The following ZHX2 variants were observed in gnomAD, a reference collection of about 807,000 sequenced individuals.
ZHX2 encodes the protein zinc fingers and homeoboxes 2.
Under a neutral mutation model 21.9 loss-of-function variants are expected in ZHX2, and 6 were observed. That is an observed-to-expected ratio of 0.27 (90% CI 0.15 to 0.54). The LOEUF (loss-of-function observed/expected upper bound fraction) is 0.54. Among genes scored for constraint, ZHX2 ranks in the 20% least tolerant of loss-of-function variants. ZHX2 has a pLI of 0.95. For missense variants in ZHX2, 908 were observed against 1,090.7 expected (o/e 0.83, Z 2.36); for synonymous variants, 434 against 437.1 (o/e 0.99, Z 0.09).
At position 122,803,624 on chromosome 8, in the gene ZHX2, C is replaced by T. The variant is rs532760412; in HGVS notation, c.-283+21678C>T. Among the ~76,000 whole-genome samples, 11 of 152,334 alleles carry T rather than the reference C, an allele frequency of 7.2e-5. No homozygotes were observed. The East Asian group carries it at 7.7e-4, about 11-fold the overall frequency. On this transcript the variant is annotated intron_variant, in intron 1 of 3. Transcript: ENST00000314393. ...ATTTTGTCAAATGTGCCCTCGGGGA[C>T]GAAACGGTCCCAATCTCCTCTTCCC...
chr8:122,887,815 C>G (rs921781328), intron 2 of ZHX2, among the ~76,000 whole-genome samples: 2 of 152,102 alleles, frequency 1.3e-5, no homozygotes, highest in African/African-American at 4.8e-5. Context: ...GCTTCTCCCA[C>G]CCTCGCGCCG....
At chr8:122,809,868 T>G (rs1817891846) in intron 1 of ZHX2, among the ~76,000 whole-genome samples, 1 of 152,178 alleles carries the variant, frequency 6.6e-6, no homozygotes, top group Middle Eastern at 3.2e-3. Flanking sequence ...GTTTGAAGCT[T>G]ACAAGAAATC....
intron 1 of ZHX2, among the ~76,000 whole-genome samples, chr8:122,860,662 C>T (rs549229820): frequency 1.3e-5 from 2 of 152,274 alleles, no homozygotes; most frequent in African/African-American, 4.8e-5. Context: ...AAGTTTGAGG[C>T]AGCCGAGTTA....
chr8:122,904,041 G>A (rs79158429), intron 2 of ZHX2, among the ~76,000 whole-genome samples: 1,905 of 152,250 alleles, frequency 0.013, 36 homozygotes, highest in African/African-American at 0.043. Flanking sequence ...CAGGAATGAC[G>A]TGGTGGTGAG....
chr8:122,969,422 T>C (rs1298170805), intron 3 of ZHX2, among the ~76,000 whole-genome samples: 1 of 151,934 alleles, frequency 6.6e-6, no homozygotes, highest in Non-Finnish European at 1.5e-5. Flanking sequence ...CCCCCAAAAA[T>C]AGACACAAGC....
chr8:122,928,476 G>A (rs1820907760), intron 2 of ZHX2, among the ~76,000 whole-genome samples: 1 of 152,098 alleles, frequency 6.6e-6, no homozygotes, highest in Middle Eastern at 3.2e-3. Context: ...TATGTCTTGG[G>A]AGATGAGTTG....
chr8:122,847,752 G>A (rs751613596), intron 1 of ZHX2, among the ~76,000 whole-genome samples: 1 of 152,200 alleles, frequency 6.6e-6, no homozygotes, highest in Non-Finnish European at 1.5e-5. Flanking sequence ...TGGAACGCCT[G>A]AGAGTACCTC....
intron 1 of ZHX2, among the ~76,000 whole-genome samples, chr8:122,802,260 A>G (rs1431893579): frequency 6.6e-6 from 1 of 152,010 alleles, no homozygotes; most frequent in African/African-American, 2.4e-5. Context: ...ATGGGTTTTC[A>G]CCATATTGGC....
chr8:122,794,873 C>T (rs1014649856), intron 1 of ZHX2, among the ~76,000 whole-genome samples: 1 of 152,174 alleles, frequency 6.6e-6, no homozygotes, highest in Non-Finnish European at 1.5e-5. Flanking sequence ...TTAGCAAAAC[C>T]TACTTTTTTC....
At chr8:122,872,695 T>A (rs1045403829) in intron 2 of ZHX2, among the ~76,000 whole-genome samples, 1 of 152,192 alleles carries the variant, frequency 6.6e-6, no homozygotes, top group Non-Finnish European at 1.5e-5. Flanking sequence ...TTAGTCAGAC[T>A]TTTGGTTACA....
chr8:122,857,384 GC>G (rs1819052752), intron 1 of ZHX2, among the ~76,000 whole-genome samples: 2 of 151,886 alleles, frequency 1.3e-5, no homozygotes, highest in African/African-American at 2.4e-5. Flanking sequence ...AATAGATGCT[GC>G]CCTTCCCAAT....
At chr8:122,900,282 T>G (rs1424666785) in intron 2 of ZHX2, among the ~76,000 whole-genome samples, 2 of 152,152 alleles carry the variant, frequency 1.3e-5, no homozygotes, top group Admixed American at 6.5e-5. Flanking sequence ...CTTACACTCA[T>G]GGTGAAGGCC....
chr8:122,967,106 C>T lies in ZHX2; in HGVS notation c.*5-6136C>T, dbSNP rs1357050682. 3.3e-5 allele frequency among the ~76,000 whole-genome samples: 5 copies of T among 152,308 alleles called. No individual in the cohort carries two copies. The South Asian group carries it at 6.2e-4, about 19-fold the overall frequency. Reference sequence around the variant, plus strand: ...TGGTTTTCACCTTTTCCTGGTGCCTCCTTGAGTAGCTGAATAATGAACCTT... The same window carrying T: ...TGGTTTTCACCTTTTCCTGGTGCCTTCTTGAGTAGCTGAATAATGAACCTT... On this transcript the variant is annotated intron_variant, in intron 3 of 3. Coordinates refer to ENST00000314393, the MANE Select transcript of ZHX2 (RefSeq NM_014943.5).
At chr8:122,964,795 T>G (rs2130356108) in intron 3 of ZHX2, among the ~76,000 whole-genome samples, 1 of 152,226 alleles carries the variant, frequency 6.6e-6, no homozygotes, top group South Asian at 2.1e-4. Flanking sequence ...GTTGGCAATT[T>G]TTTTATTACT....
chr8:122,968,536 G>C (rs767501922), intron 3 of ZHX2, among the ~76,000 whole-genome samples: 5 of 152,080 alleles, frequency 3.3e-5, no homozygotes, highest in Admixed American at 6.5e-5. Flanking sequence ...ATGAAAGTTT[G>C]AACTCAAATA....
At position 122,907,400 on chromosome 8, in the gene ZHX2, A is replaced by G. The variant is rs764270874; in HGVS notation, c.-220+43861A>G. ...CCAGGCCACAGATAGGTGAGACACA[A>G]ATGGTTACATCCTTTTGAGTCTCTG... On this transcript the variant is annotated intron_variant, in intron 2 of 3. Coordinates refer to ENST00000314393, the MANE Select transcript of ZHX2 (RefSeq NM_014943.5). Among the ~76,000 whole-genome samples the G allele has an allele frequency of 1.3e-4, 20 of 152,170 alleles. 1 individual carries two copies. The highest frequency in any genetic ancestry group is 2.4e-4 in the Non-Finnish European group (16 of 68,026).
chr8:122,939,353 T>A (rs1812784555), intron 2 of ZHX2, among the ~76,000 whole-genome samples: 1 of 152,176 alleles, frequency 6.6e-6, no homozygotes, highest in African/African-American at 2.4e-5. Flanking sequence ...GGATGAAGGA[T>A]CTGATATAAT....
At chr8:122,892,683 TTTTA>T (rs758173821) in intron 2 of ZHX2, among the ~76,000 whole-genome samples, 22 of 152,294 alleles carry the variant, frequency 1.4e-4, no homozygotes, top group African/African-American at 2.2e-4. Context: ...TTTTTTTATT[TTTTA>T]TTTATTTATT....
intron 3 of ZHX2, among the ~76,000 whole-genome samples, chr8:122,970,161 T>G (rs1813685053): frequency 1.3e-5 from 2 of 152,152 alleles, no homozygotes; most frequent in Admixed American, 1.3e-4. Context: ...GGCCCTTTGC[T>G]GGGTGACTGT....
Sources: gnomAD v4.1 joint callset for allele counts (sites outside exome capture counted in the v4.1 genomes callset) on GRCh38, gnomAD v4.1.1 for gene constraint, MANE v1.5 for transcripts, NCBI Gene and HGNC (gene_info 2026-07-23, HGNC 2026-07-21) for gene names.